The following FHIT variants were observed in gnomAD, a reference collection of about 807,000 sequenced individuals.
The protein encoded by FHIT is fragile histidine triad diadenosine triphosphatase, also known as bis(5'-adenosyl)-triphosphatase.
FHIT carries 19 observed loss-of-function variants against 17.9 expected under a neutral mutation model. That is an observed-to-expected ratio of 1.06 (90% confidence interval 0.74 to 1.56). The LOEUF (loss-of-function observed/expected upper bound fraction) is 1.56, where lower values mean the gene tolerates loss of function less well. Among genes scored for constraint, FHIT ranks in the 40% most tolerant of loss-of-function variants. The pLI is 0.00. For synonymous variants in FHIT, 81 were observed against 69.7 expected (o/e 1.16, Z -0.81); for missense variants, 248 against 189.2 (o/e 1.31, Z -1.82).
chr3:60,107,434 C>T (rs377143844), intron 5 of FHIT, among the ~76,000 whole-genome samples: 89 of 152,210 alleles, frequency 5.8e-4, no homozygotes, highest in African/African-American at 1.9e-3. Flanking sequence ...TTTATTTGAT[C>T]GAACAACAAT....
chr3:61,071,620 T>C (rs555661945), intron 2 of FHIT, among the ~76,000 whole-genome samples: 2 of 152,246 alleles, frequency 1.3e-5, no homozygotes, highest in Admixed American at 6.5e-5. Context: ...GTACATGACA[T>C]AAAGTTAAGT....
intron 4 of FHIT, among the ~76,000 whole-genome samples, chr3:60,722,707 CTTTTTTT>C (rs1157024624): frequency 1.9e-5 from 2 of 104,944 alleles, no homozygotes; most frequent in African/African-American, 3.7e-5. Context: ...TACCTTAAAT[CTTTTTTT>C]TTTTTTTTTT....
chr3:60,559,672 T>G (rs887002544), intron 4 of FHIT, among the ~76,000 whole-genome samples: 1 of 152,090 alleles, frequency 6.6e-6, no homozygotes, highest in Admixed American at 6.6e-5. Context: ...CTTTTCCCAC[T>G]AACCCACTGA....
chr3:60,404,520 A>G (rs1701779892), intron 5 of FHIT, among the ~76,000 whole-genome samples: 1 of 152,162 alleles, frequency 6.6e-6, no homozygotes. Flanking sequence ...AGGCTTCCAT[A>G]AACCTAGTCA....
intron 4 of FHIT, among the ~76,000 whole-genome samples, chr3:60,687,245 AG>A (rs1227537421): frequency 6.6e-6 from 1 of 152,096 alleles, no homozygotes; most frequent in East Asian, 1.9e-4. Context: ...TTAATTCATT[AG>A]TTTTATTTTC....
rs530675249 is a variant in FHIT at position 60,416,894 on chromosome 3, G to A, written c.103+119966C>T. On this transcript the variant is annotated intron_variant, in intron 5 of 9. Transcript: ENST00000492590. Reference sequence around the variant, plus strand: ...GAGGTCAGGAGAGCGAGACCATCCTGGCTAACATGGTAAAACCCCGTCTCT... The same window carrying A: ...GAGGTCAGGAGAGCGAGACCATCCTAGCTAACATGGTAAAACCCCGTCTCT... Among the ~76,000 whole-genome samples, 140 of 152,108 alleles carry A rather than the reference G, an allele frequency of 9.2e-4. 1 individual carries two copies. The highest frequency in any genetic ancestry group is 3.9e-3 in the South Asian group (19 of 4,814).
At chr3:60,091,753 A>T (rs1317343378) in intron 5 of FHIT, among the ~76,000 whole-genome samples, 1 of 151,898 alleles carries the variant, frequency 6.6e-6, no homozygotes, top group African/African-American at 2.4e-5. Flanking sequence ...GGCACCTCCC[A>T]CCTTGCCTTT....
At chr3:59,996,427 C>T (rs1229191623) in intron 7 of FHIT, among the ~76,000 whole-genome samples, 4 of 152,028 alleles carry the variant, frequency 2.6e-5, no homozygotes, top group Non-Finnish European at 5.9e-5. Flanking sequence ...TTCAGTCTAG[C>T]AGTCCATGGG....
intron 5 of FHIT, among the ~76,000 whole-genome samples, chr3:60,232,638 G>T (rs181161375): frequency 6.6e-6 from 1 of 152,240 alleles, no homozygotes; most frequent in Non-Finnish European, 1.5e-5. Flanking sequence ...ACTCAGTAGT[G>T]ATCAGCAAGT....
intron 4 of FHIT, among the ~76,000 whole-genome samples, chr3:60,597,461 T>A (rs550159720): frequency 2.0e-5 from 3 of 152,158 alleles, no homozygotes; most frequent in Non-Finnish European, 4.4e-5. Context: ...AACTGTAGTT[T>A]TTCAGACTCA....
chr3:59,963,925 C>A (rs746282672), intron 7 of FHIT, among the ~76,000 whole-genome samples: 19 of 152,188 alleles, frequency 1.2e-4, no homozygotes, highest in Non-Finnish European at 2.4e-4. Context: ...TAAAACGTCA[C>A]ATTTTTCATC....
chr3:61,204,271 G>C (rs2039132012), intron 1 of FHIT, among the ~76,000 whole-genome samples: 1 of 152,150 alleles, frequency 6.6e-6, no homozygotes, highest in South Asian at 2.1e-4. Flanking sequence ...ATACGTGAGA[G>C]GAATGGGGGG....
intron 4 of FHIT, among the ~76,000 whole-genome samples, chr3:60,559,248 A>AG (rs2036847750): frequency 6.6e-6 from 1 of 152,204 alleles, no homozygotes; most frequent in Non-Finnish European, 1.5e-5. Flanking sequence ...ATAAATAAGG[A>AG]GACAATTAAA....
intron 5 of FHIT, among the ~76,000 whole-genome samples, chr3:60,300,537 G>A (rs951568224): frequency 6.6e-6 from 1 of 152,076 alleles, no homozygotes; most frequent in African/African-American, 2.4e-5. Flanking sequence ...CCTGTAAGAT[G>A]GGGATGATAT....
At chr3:59,773,062 A>G (rs185875792) in intron 8 of FHIT, among the ~76,000 whole-genome samples, 1 of 152,198 alleles carries the variant, frequency 6.6e-6, no homozygotes, top group East Asian at 1.9e-4. Flanking sequence ...CCTCCTCTGA[A>G]TTTTTTTGTT....
intron 7 of FHIT, 38 bp from the exon 8 acceptor site, chr3:59,922,452 TC>T (rs917033460): frequency 3.2e-6 from 5 of 1,543,420 alleles, no homozygotes; most frequent in Non-Finnish European, 4.5e-6. Context: ...TGTGATTATC[TC>T]CCCATGTATT....
intron 3 of FHIT, among the ~76,000 whole-genome samples, chr3:60,976,881 G>GTTT (rs75027281): frequency 6.9e-6 from 1 of 145,588 alleles, no homozygotes; most frequent in African/African-American, 2.5e-5. Flanking sequence ...CTGAATACTT[G>GTTT]TTTTTTTTTT....
intron 3 of FHIT, among the ~76,000 whole-genome samples, chr3:60,985,207 C>T (rs1413163767): frequency 1.3e-5 from 2 of 152,144 alleles, no homozygotes; most frequent in Non-Finnish European, 2.9e-5. Flanking sequence ...TTGCTATAAT[C>T]ATTTTTGCCA....
At chr3:60,578,575 C>T (rs1553658493) in intron 4 of FHIT, among the ~76,000 whole-genome samples, 1 of 151,922 alleles carries the variant, frequency 6.6e-6, no homozygotes, top group Non-Finnish European at 1.5e-5. Flanking sequence ...TTTTCATTTG[C>T]TAGAAATTAA....
Sources: allele counts gnomAD v4.1 joint callset (sites outside exome capture counted in the v4.1 genomes callset), GRCh38; gene constraint gnomAD v4.1.1; transcripts MANE v1.5; gene names NCBI Gene and HGNC (gene_info 2026-07-23, HGNC 2026-07-21).